Variants in SPECC1 observed in about 807,000 individuals in gnomAD.
SPECC1 encodes the protein cytospin-B.
Under a neutral mutation model 104.1 loss-of-function variants are expected in SPECC1, and 62 were observed. The observed-to-expected ratio is 0.60, with a 90% CI of 0.49 to 0.74. SPECC1 has a LOEUF of 0.74. SPECC1 is among the 30% of genes least tolerant of loss of function. SPECC1 has a pLI of 0.00. For synonymous variants in SPECC1, 513 were observed against 501.6 expected (o/e 1.02, Z -0.30); for missense variants, 1,306 against 1,310.5 (o/e 1.00, Z 0.05).
intron 7 of SPECC1, chr17:20,238,468 T>C (rs1480881850): frequency 9.6e-7 from 1 of 1,042,312 alleles, no homozygotes. Flanking sequence ...ATTAGTGACG[T>C]TATCCAAAGG....
chr17:20,293,349 ACCT>A (rs1219285774), intron 12 of SPECC1, among the ~76,000 whole-genome samples: 6 of 151,598 alleles, frequency 4.0e-5, no homozygotes, highest in African/African-American at 1.5e-4. Flanking sequence ...GTTCCATCAA[ACCT>A]CCTTCTCTTA....
intron 2 of SPECC1, among the ~76,000 whole-genome samples, chr17:20,098,456 T>C (rs527829554): frequency 2.0e-5 from 3 of 152,318 alleles, no homozygotes; most frequent in Admixed American, 1.3e-4. Flanking sequence ...ATGTCACTTC[T>C]CTGCGTCAAC....
chr17:20,209,967 T>G (rs2037028696), intron 4 of SPECC1, among the ~76,000 whole-genome samples: 1 of 152,180 alleles, frequency 6.6e-6, no homozygotes, highest in Admixed American at 6.5e-5. Context: ...TGCAGAAACT[T>G]CAGTCCGCTT....
chr17:20,238,473 C>G, intron 7 of SPECC1: 1 of 1,042,270 alleles, frequency 9.6e-7, no homozygotes. Context: ...TGACGTTATC[C>G]AAAGGATGAG....
chr17:20,039,766 A>G (rs2045248113), intron 1 of SPECC1, among the ~76,000 whole-genome samples: 1 of 152,088 alleles, frequency 6.6e-6, no homozygotes, highest in Non-Finnish European at 1.5e-5. Flanking sequence ...CATGTTGTCC[A>G]GGCTGGTCTG....
intron 4 of SPECC1, among the ~76,000 whole-genome samples, chr17:20,206,580 TTTAATA>T (rs2036795452): frequency 6.6e-6 from 1 of 152,208 alleles, no homozygotes; most frequent in Admixed American, 6.5e-5. Context: ...CAGATACTAT[TTTAATA>T]TAAATATTTC....
At chr17:20,187,072 ATT>A (rs2035331984) in intron 3 of SPECC1, among the ~76,000 whole-genome samples, 1 of 152,044 alleles carries the variant, frequency 6.6e-6, no homozygotes, top group East Asian at 1.9e-4. Context: ...GAATACTTGC[ATT>A]ATACTTAGCA....
chr17:20,222,292 C>T (rs2037928191), intron 4 of SPECC1, among the ~76,000 whole-genome samples: 1 of 152,060 alleles, frequency 6.6e-6, no homozygotes, highest in Admixed American at 6.6e-5. Context: ...CGAGATCGCA[C>T]CACCACACTC....
intron 3 of SPECC1, among the ~76,000 whole-genome samples, chr17:20,153,040 C>T (rs1384229997): frequency 1.3e-5 from 2 of 152,206 alleles, no homozygotes; most frequent in East Asian, 1.9e-4. Context: ...CCTTAATTAC[C>T]TCCTAAAGGC....
intron 3 of SPECC1, among the ~76,000 whole-genome samples, chr17:20,196,617 C>T (rs1292809898): frequency 6.6e-6 from 1 of 152,144 alleles, no homozygotes; most frequent in African/African-American, 2.4e-5. Flanking sequence ...CCTAAACATC[C>T]CTCCTTTTAA....
intron 3 of SPECC1, chr17:20,111,792 G>A: frequency 1.3e-6 from 1 of 763,400 alleles, no homozygotes; most frequent in East Asian, 2.5e-5. Flanking sequence ...GAGGGTGGTG[G>A]CTCACTCAGG....
At chr17:20,091,522 A>C (rs142199597) in intron 1 of SPECC1, among the ~76,000 whole-genome samples, 1 of 152,172 alleles carries the variant, frequency 6.6e-6, no homozygotes, top group South Asian at 2.1e-4. Context: ...GGCTCTGTCC[A>C]GTAGCACCCC....
In SPECC1 at chr17:20,107,043, A is replaced by G. The variant is rs573532945; in HGVS notation, c.148-3384A>G. Among the ~76,000 whole-genome samples the G allele has an allele frequency of 1.2e-4, 18 of 150,072 alleles. 1 individual carries two copies. The South Asian group carries it at 3.6e-3, about 30-fold the overall frequency. On this transcript the variant is annotated intron_variant, in intron 2 of 14. Coordinates refer to ENST00000395527, the MANE Select transcript of SPECC1 (RefSeq NM_001243439.2). Reference sequence around the variant, plus strand: ...GTGGAGGCACACGCCTGTAGCCCCAACTACTACTTGGGAGGATGAGAATCA... The same window carrying G: ...GTGGAGGCACACGCCTGTAGCCCCAGCTACTACTTGGGAGGATGAGAATCA...
chr17:20,220,941 G>A (rs541904642), intron 4 of SPECC1, among the ~76,000 whole-genome samples: 1 of 152,192 alleles, frequency 6.6e-6, no homozygotes, highest in South Asian at 2.1e-4. Context: ...ATGACCATAT[G>A]GTTTTTACCT....
intron 1 of SPECC1, among the ~76,000 whole-genome samples, chr17:20,024,119 A>G (rs2044507772): frequency 6.6e-6 from 1 of 152,240 alleles, no homozygotes; most frequent in African/African-American, 2.4e-5. Context: ...AAAGTTTAGT[A>G]AGTTTCCATT....
chr17:20,095,339 T>C (rs1254051619), intron 1 of SPECC1, among the ~76,000 whole-genome samples: 1 of 152,228 alleles, frequency 6.6e-6, no homozygotes, highest in Non-Finnish European at 1.5e-5. Flanking sequence ...TTAATAGTTT[T>C]CCTTGGAAAC....
At chr17:20,179,705 T>C (rs1413456685) in intron 3 of SPECC1, among the ~76,000 whole-genome samples, 2 of 152,238 alleles carry the variant, frequency 1.3e-5, no homozygotes, top group African/African-American at 2.4e-5. Context: ...TGAACAAATA[T>C]TCAGATGTCC....
chr17:20,303,111 G>A (rs73981899), intron 13 of SPECC1, among the ~76,000 whole-genome samples: 10,778 of 152,078 alleles, frequency 0.071, 539 homozygotes, highest in African/African-American at 0.14. Flanking sequence ...TTGGGGTAAC[G>A]CTCTAGAAAG....
chr17:20,254,311 G>A (rs2151573105), intron 10 of SPECC1, among the ~76,000 whole-genome samples: 1 of 152,294 alleles, frequency 6.6e-6, no homozygotes, highest in Middle Eastern at 3.4e-3. Flanking sequence ...CAGCCCTCAA[G>A]AAGGGACACG....
Sources: allele counts gnomAD v4.1 joint callset (sites outside exome capture counted in the v4.1 genomes callset), GRCh38; gene constraint gnomAD v4.1.1; transcripts MANE v1.5; gene names NCBI Gene and HGNC (gene_info 2026-07-23, HGNC 2026-07-21).